Variants in LYZL4 observed in about 807,000 individuals in gnomAD.
The protein encoded by LYZL4 is lysozyme-like protein 4.
LYZL4 carries 13 observed loss-of-function variants against 17.6 expected under a neutral mutation model. The ratio of observed to expected loss-of-function variants is 0.74; its 90% CI spans 0.48 to 1.18. The LOEUF (loss-of-function observed/expected upper bound fraction) is 1.18. Ranked by LOEUF, LYZL4 falls within the 50% of genes most tolerant of loss-of-function variation. LYZL4 has a pLI of 0.00. For missense variants in LYZL4, 174 were observed against 188.2 expected, an observed-to-expected ratio of 0.92 and a Z score of 0.44; for synonymous variants, 64 against 67.7, an observed-to-expected ratio of 0.95 and a Z score of 0.27.
At chr3:42,392,461 C>T (rs562093334), downstream of LYZL4, among the ~76,000 whole-genome samples, 29 of 152,298 alleles carry the variant, frequency 1.9e-4, 1 homozygote, top group African/African-American at 7.0e-4. Context: ...TAAAGGTGCA[C>T]TTGATAATGG....
At chr3:42,375,259 C>T in the LYZL4 span, among the ~76,000 whole-genome samples, 1 of 152,214 alleles carries the variant, frequency 6.6e-6, no homozygotes, top group Non-Finnish European at 1.5e-5. Flanking sequence ...ACCAACTCAG[C>T]TTCAGACAGA....
the LYZL4 span, among the ~76,000 whole-genome samples, chr3:42,372,162 G>A: frequency 6.6e-6 from 1 of 152,214 alleles, no homozygotes; most frequent in Non-Finnish European, 1.5e-5. Flanking sequence ...AGGCAGGGGA[G>A]AGACCCAGAG....
the LYZL4 span, among the ~76,000 whole-genome samples, chr3:42,374,235 G>T: frequency 1.3e-5 from 2 of 152,168 alleles, no homozygotes; most frequent in Admixed American, 6.5e-5. Context: ...GCACTGAAAG[G>T]TTGATCGATT....
chr3:42,399,778 C>T (rs1698622038), intron 4 of LYZL4, among the ~76,000 whole-genome samples: 1 of 151,732 alleles, frequency 6.6e-6, no homozygotes, highest in Non-Finnish European at 1.5e-5. Flanking sequence ...GGTTAGTGGC[C>T]CCAAATGCAG....
At chr3:42,389,157 G>A in the LYZL4 span, among the ~76,000 whole-genome samples, 1 of 152,186 alleles carries the variant, frequency 6.6e-6, no homozygotes, top group Non-Finnish European at 1.5e-5. Flanking sequence ...CATGATGACA[G>A]GGTTCTGCAT....
At chr3:42,403,299 G>T (rs1698690459) in intron 4 of LYZL4, among the ~76,000 whole-genome samples, 2 of 149,484 alleles carry the variant, frequency 1.3e-5, no homozygotes, top group Non-Finnish European at 3.0e-5. Context: ...TCACTCTTTT[G>T]CCCAGGCTGG....
chr3:42,377,160 T>C, the LYZL4 span, among the ~76,000 whole-genome samples: 1 of 152,132 alleles, frequency 6.6e-6, no homozygotes, highest in Non-Finnish European at 1.5e-5. Context: ...TGGTGACAAG[T>C]GAGTCTCCCG....
chr3:42,397,307 G>A lies in LYZL4; in HGVS notation c.399C>T (p.Tyr133=). 6.4e-7 allele frequency: 1 copy of A among 1,573,086 alleles called. No individual in the cohort carries two copies. Among genetic ancestry groups the A allele is most frequent in the Non-Finnish European group, 8.6e-7 (1 of 1,158,714 alleles). ...AWPTWSRYCQ[Y]SDTLARWLDG... Reference sequence around the variant, plus strand: ...CCAGCCACCGTGCCAGGGTATCGGAGTACTGGCAGTACCGGGACCAGGTGG... The same window carrying A: ...CCAGCCACCGTGCCAGGGTATCGGAATACTGGCAGTACCGGGACCAGGTGG... Residue 133 remains tyrosine (Y), a synonymous_variant, in exon 5 of 5, where the codon TAC becomes TAT. Coordinates refer to ENST00000287748, the MANE Select transcript of LYZL4 (RefSeq NM_144634.4).
At chr3:42,393,656 C>T (rs116069746), downstream of LYZL4, among the ~76,000 whole-genome samples, 1 of 152,326 alleles carries the variant, frequency 6.6e-6, no homozygotes, top group African/African-American at 2.4e-5. Context: ...CCGGTTTCTT[C>T]CAAGTTTCCC....
At chr3:42,390,201 C>T in the LYZL4 span, among the ~76,000 whole-genome samples, 2 of 152,090 alleles carry the variant, frequency 1.3e-5, no homozygotes, top group Admixed American at 1.3e-4. Context: ...GTAGATAGTC[C>T]TTTTGGAATG....
At chr3:42,403,457 G>A (rs1278448526) in intron 4 of LYZL4, among the ~76,000 whole-genome samples, 1 of 151,822 alleles carries the variant, frequency 6.6e-6, no homozygotes, top group Non-Finnish European at 1.5e-5. Flanking sequence ...TATTTTTTTA[G>A]TAGAGACGAG....
At chr3:42,391,731 A>C in the LYZL4 span, among the ~76,000 whole-genome samples, 1 of 152,148 alleles carries the variant, frequency 6.6e-6, no homozygotes, top group Non-Finnish European at 1.5e-5. Context: ...AGTGGGAGAT[A>C]TTACAATATC....
intron 4 of LYZL4, among the ~76,000 whole-genome samples, chr3:42,402,763 A>G (rs1208571791): frequency 6.6e-6 from 1 of 152,266 alleles, no homozygotes; most frequent in Non-Finnish European, 1.5e-5. Context: ...TTTATTCCTC[A>G]GTAAAAACAA....
the LYZL4 span, among the ~76,000 whole-genome samples, chr3:42,381,587 A>T: frequency 6.6e-6 from 1 of 151,876 alleles, no homozygotes; most frequent in Non-Finnish European, 1.5e-5. Flanking sequence ...AGAATTTACC[A>T]CCGAGGTAAT....
At chr3:42,373,714 G>A in the LYZL4 span, among the ~76,000 whole-genome samples, 1 of 152,106 alleles carries the variant, frequency 6.6e-6, no homozygotes, top group African/African-American at 2.4e-5. Flanking sequence ...ATCAGAAAGT[G>A]GCTGAATTCT....
chr3:42,364,729 C>G, the LYZL4 span, among the ~76,000 whole-genome samples: 1 of 152,242 alleles, frequency 6.6e-6, no homozygotes, highest in African/African-American at 2.4e-5. Flanking sequence ...CCACCTTGAC[C>G]TCCCAAAATG....
the LYZL4 span, among the ~76,000 whole-genome samples, chr3:42,376,266 G>A: frequency 6.6e-6 from 1 of 152,238 alleles, no homozygotes; most frequent in Non-Finnish European, 1.5e-5. Context: ...GGCCATGGCT[G>A]ACCAGGGAAG....
the LYZL4 span, among the ~76,000 whole-genome samples, chr3:42,383,380 G>A: frequency 2.7e-5 from 4 of 150,736 alleles, no homozygotes; most frequent in Admixed American, 6.6e-5. Context: ...CTGTCCAGCC[G>A]GATGGCTCCA....
chr3:42,370,444 A>C, the LYZL4 span, among the ~76,000 whole-genome samples: 1 of 152,176 alleles, frequency 6.6e-6, no homozygotes, highest in African/African-American at 2.4e-5. Flanking sequence ...TGAAAATAAA[A>C]GTCCCAGGTA....
Sources: gnomAD v4.1 joint callset for allele counts (sites outside exome capture counted in the v4.1 genomes callset) on GRCh38, gnomAD v4.1.1 for gene constraint, MANE v1.5 for transcripts, NCBI Gene and HGNC (gene_info 2026-07-23, HGNC 2026-07-21) for gene names.